The following DAOA variants were observed in gnomAD, a reference collection of about 807,000 sequenced individuals.
DAOA encodes the protein D-amino acid oxidase regulator.
DAOA carries 15 observed loss-of-function variants against 16.4 expected under a neutral mutation model. The observed-to-expected ratio is 0.91, with a 90% confidence interval of 0.61 to 1.41. DAOA has a LOEUF of 1.41. Among genes scored for constraint, DAOA ranks in the 40% most tolerant of loss-of-function variants. DAOA has a pLI of 0.00. For synonymous variants in DAOA, 75 were observed against 59.1 expected, an observed-to-expected ratio of 1.27 and a Z score of -1.23; for missense variants, 230 against 176.8, an observed-to-expected ratio of 1.30 and a Z score of -1.71.
At chr13:105,473,757 C>T (rs978466358) in intron 4 of DAOA, among the ~76,000 whole-genome samples, 4 of 152,010 alleles carry the variant, frequency 2.6e-5, no homozygotes, top group Non-Finnish European at 4.4e-5. Flanking sequence ...TATAGTTTAT[C>T]GGTGTGAAGC....
At chr13:105,479,892 C>T (rs886486005) in intron 4 of DAOA, among the ~76,000 whole-genome samples, 3 of 152,026 alleles carry the variant, frequency 2.0e-5, no homozygotes, top group African/African-American at 7.2e-5. Context: ...AGAGTCTCTG[C>T]CATTTAAAAA....
At chr13:105,480,463 A>G (rs1160544414) in intron 4 of DAOA, among the ~76,000 whole-genome samples, 2 of 141,050 alleles carry the variant, frequency 1.4e-5, no homozygotes, top group Non-Finnish European at 3.3e-5. Flanking sequence ...TTCTCCAGAC[A>G]GATAGAACCA....
intron 4 of DAOA, among the ~76,000 whole-genome samples, chr13:105,488,967 A>G (rs1246855673): frequency 3.9e-5 from 6 of 152,228 alleles, no homozygotes; most frequent in Non-Finnish European, 7.3e-5. Flanking sequence ...TACTAAGGAT[A>G]ATGGGACACA....
intron 4 of DAOA, among the ~76,000 whole-genome samples, chr13:105,487,313 T>G (rs947267): frequency 0.5 from 75,899 of 151,922 alleles, 20,147 homozygotes; most frequent in African/African-American, 0.69. Flanking sequence ...CTGTACTAAG[T>G]CCATGTTCTT....
At chr13:105,466,896 T>TA in intron 2 of DAOA, 157 bp from the exon 3 acceptor site, 3 of 1,023,740 alleles carry the variant, frequency 2.9e-6, no homozygotes, top group Non-Finnish European at 3.8e-6. Context: ...TCTATAAAAA[T>TA]AAAAAAATAA....
At chr13:105,475,782 TA>T (rs1421991754) in intron 4 of DAOA, among the ~76,000 whole-genome samples, 1 of 152,196 alleles carries the variant, frequency 6.6e-6, no homozygotes, top group African/African-American at 2.4e-5. Flanking sequence ...CATTTTTATT[TA>T]AAAAGTTTAA....
intron 4 of DAOA, among the ~76,000 whole-genome samples, chr13:105,480,307 A>T (rs374936243): frequency 6.6e-6 from 1 of 152,114 alleles, no homozygotes; most frequent in Non-Finnish European, 1.5e-5. Context: ...GTGAACTAGC[A>T]GATACAATAT....
chr13:105,467,178 T>G, intron 3 of DAOA, 37 bp downstream of exon 3: 1 of 1,542,762 alleles, frequency 6.5e-7, no homozygotes, highest in Non-Finnish European at 8.8e-7. Flanking sequence ...ATTTAAATTC[T>G]TCTAGAAGTT....
intron 3 of DAOA, among the ~76,000 whole-genome samples, chr13:105,468,043 TTGGCTCG>T (rs2139164627): frequency 6.6e-6 from 1 of 152,270 alleles, no homozygotes; most frequent in South Asian, 2.1e-4. Context: ...CCTGCATGCC[TTGGCTCG>T]TGGCCTGCCC....
chr13:105,483,980 CAT>C (rs1244349386), intron 4 of DAOA, among the ~76,000 whole-genome samples: 1 of 152,078 alleles, frequency 6.6e-6, no homozygotes, highest in Non-Finnish European at 1.5e-5. Context: ...CTGTTAGTCT[CAT>C]ATGTTTTCTT....
intron 1 of DAOA, 43 bp downstream of exon 1, chr13:105,466,103 T>G: frequency 1.2e-6 from 1 of 809,412 alleles, no homozygotes; most frequent in Non-Finnish European, 1.9e-6. Context: ...AGCAAGTTTA[T>G]CAGCTCCTGC....
At chr13:105,477,454 C>T (rs1355299203) in intron 4 of DAOA, among the ~76,000 whole-genome samples, 1 of 152,214 alleles carries the variant, frequency 6.6e-6, no homozygotes, top group Non-Finnish European at 1.5e-5. Flanking sequence ...ACTAACCAGG[C>T]ATAGTGGCTC....
intron 2 of DAOA, among the ~76,000 whole-genome samples, chr13:105,466,595 G>C (rs1876531884): frequency 6.6e-6 from 1 of 152,142 alleles, no homozygotes; most frequent in African/African-American, 2.4e-5. Context: ...CAAAGAGTTT[G>C]AATCTTTAAT....
intron 4 of DAOA, among the ~76,000 whole-genome samples, 199 bp downstream of exon 4, chr13:105,472,884 A>G (rs118158243): frequency 6.6e-6 from 1 of 152,034 alleles, no homozygotes; most frequent in Non-Finnish European, 1.5e-5. Context: ...GCTTCTTCAC[A>G]TTTTTTCATG....
In DAOA at chr13:105,472,641, A is replaced by G. The variant is rs745423764; in HGVS notation, c.237A>G (p.Arg79=). ...AAATGGCACAGAGGCATTTACAGAGATCATTATGTCCTTGGGTCTCTTACC... is the reference window on the plus strand; with the variant it reads ...AAATGGCACAGAGGCATTTACAGAGGTCATTATGTCCTTGGGTCTCTTACC... ...YLEMAQRHLQ[R]SLCPWVSYLP... Residue 79 remains arginine, a synonymous_variant, in exon 4 of 6, where the codon AGA becomes AGG. Coordinates refer to ENST00000375936, the MANE Select transcript of DAOA (RefSeq NM_172370.5). 10 of 1,613,950 alleles carry G rather than the reference A, an allele frequency of 6.2e-6. No homozygotes were observed. The highest frequency in any genetic ancestry group is 6.8e-6 in the Non-Finnish European group (8 of 1,179,936).
Position 105,490,034 on chromosome 13 carries a change from G to C in DAOA, c.415G>C (p.Asp139His), listed in dbSNP as rs1356723664. 5 of 1,603,064 alleles carry C rather than the reference G, an allele frequency of 3.1e-6. No homozygotes were observed. The highest frequency in any genetic ancestry group is 4.3e-6 in the Non-Finnish European group (5 of 1,174,382). The change falls in exon 5 of 6, where the codon GAC (aspartate) becomes CAC (histidine). Residue 139 changes from aspartate (D) to histidine (H), a missense_variant. Physicochemically the swap from Asp to His is moderately conservative, Grantham distance 81 (BLOSUM62 -1). Transcript: ENST00000375936. ...MWTCNYNQQK[D>H]QSCNHKEITS... ...GACCTGCAACTACAACCAGCAAAAAGACCAGTCATGCAACCACAAGGAAAT... is the reference window on the plus strand; with the variant it reads ...GACCTGCAACTACAACCAGCAAAAACACCAGTCATGCAACCACAAGGAAAT...
intron 3 of DAOA, among the ~76,000 whole-genome samples, chr13:105,468,670 C>A (rs1391251088): frequency 6.6e-6 from 1 of 152,138 alleles, no homozygotes. Context: ...TAATTAGAAA[C>A]AATTTTCATT....
chr13:105,489,822 G>A, intron 4 of DAOA, 79 bp from the exon 5 acceptor site: 1 of 1,613,084 alleles, frequency 6.2e-7, no homozygotes. Flanking sequence ...TGGAACATGG[G>A]AAAGGTGATG....
chr13:105,484,737 G>A (rs115115187), intron 4 of DAOA, among the ~76,000 whole-genome samples: 2,553 of 152,104 alleles, frequency 0.017, 71 homozygotes, highest in African/African-American at 0.058. Context: ...TATAGTTTAT[G>A]ATATTGTCTA....
Sources: allele counts gnomAD v4.1 joint callset (sites outside exome capture counted in the v4.1 genomes callset), GRCh38; gene constraint gnomAD v4.1.1; transcripts MANE v1.5; gene names NCBI Gene and HGNC (gene_info 2026-07-23, HGNC 2026-07-21).